Variants in GPD1L observed in about 807,000 individuals in gnomAD.
GPD1L encodes glycerol-3-phosphate dehydrogenase 1 like.
GPD1L carries 17 observed loss-of-function variants against 32.9 expected under a neutral mutation model. The ratio of observed to expected loss-of-function variants is 0.52; its 90% confidence interval spans 0.35 to 0.78. The LOEUF is 0.78. Among genes scored for constraint, GPD1L ranks in the 30% least tolerant of loss-of-function variants. The pLI, the probability that GPD1L is intolerant of heterozygous loss-of-function variation, is 0.01. For missense variants in GPD1L, 361 were observed against 447.8 expected, an observed-to-expected ratio of 0.81 and a Z score of 1.75; for synonymous variants, 187 against 165.9, an observed-to-expected ratio of 1.13 and a Z score of -0.98.
chr3:32,138,514 G>T (rs1183910469), intron 2 of GPD1L, 73 bp from the exon 3 acceptor site: 1 of 1,380,838 alleles, frequency 7.2e-7, no homozygotes, highest in East Asian at 2.3e-5. Context: ...TAAATGGTCA[G>T]TGAGTGAAAC....
Position 32,166,204 on chromosome 3 carries a change from C to T in GPD1L, c.*294C>T, listed in dbSNP as rs899307079. On this transcript the variant is annotated 3_prime_UTR_variant, in exon 8 of 8. Coordinates refer to ENST00000282541, the MANE Select transcript of GPD1L (RefSeq NM_015141.4). ...TTCAAAATTGCTTATGAAATTTCCA[C>T]ACAATCGTAGCTTATAAGATTGGAA... 1 of 438,188 alleles carries T rather than the reference C, an allele frequency of 2.3e-6. No homozygotes were observed. Among genetic ancestry groups the T allele is most frequent in the African/African-American group, 2.0e-5 (1 of 50,012 alleles). The allele number at this position is 438,188 out of a possible 1,614,324, so 27.1% of individuals were successfully genotyped here.
intron 2 of GPD1L, among the ~76,000 whole-genome samples, chr3:32,134,188 T>C (rs1700626896): frequency 6.6e-6 from 1 of 152,170 alleles, no homozygotes; most frequent in African/African-American, 2.4e-5. Context: ...TAGCAAAAGG[T>C]TTTATTCTGA....
At chr3:32,154,235 G>C (rs917629495) in intron 5 of GPD1L, among the ~76,000 whole-genome samples, 1 of 152,118 alleles carries the variant, frequency 6.6e-6, no homozygotes, top group Admixed American at 6.5e-5. Flanking sequence ...GATCTCCCCT[G>C]GTGGGAAGGT....
rs7616454 is a variant in GPD1L, at chr3:32,159,420, C to T, written c.853-148C>T. ...CCAAGGTGGGAGGATTGCTTTAGGCCGCAAGTTCGAGGCCAGCCTGCACAG... is the reference window on the plus strand; with the variant it reads ...CCAAGGTGGGAGGATTGCTTTAGGCTGCAAGTTCGAGGCCAGCCTGCACAG... On this transcript the variant is annotated intron_variant, in intron 6 of 7. Coordinates refer to ENST00000282541, the MANE Select transcript of GPD1L (RefSeq NM_015141.4). 30,540 of 662,562 alleles carry T rather than the reference C, an allele frequency of 0.046. 1,392 individuals are homozygous for T. The highest frequency in any genetic ancestry group is 0.2 in the East Asian group (7,298 of 36,718). 41.0% of individuals were successfully genotyped at this position (662,562 alleles called of 1,614,324 possible).
chr3:32,115,218 G>A (rs974315921), intron 1 of GPD1L, among the ~76,000 whole-genome samples: 5 of 152,034 alleles, frequency 3.3e-5, no homozygotes, highest in Non-Finnish European at 7.4e-5. Context: ...CAATCCTTTA[G>A]CTAGACACAG....
At chr3:32,165,543 A>G (rs1701134563) in intron 7 of GPD1L, among the ~76,000 whole-genome samples, 1 of 152,232 alleles carries the variant, frequency 6.6e-6, no homozygotes, top group Non-Finnish European at 1.5e-5. Context: ...AAATGACAAC[A>G]GTTTGCCCTG....
intron 7 of GPD1L, among the ~76,000 whole-genome samples, chr3:32,165,295 G>A (rs1240568447): frequency 6.6e-6 from 1 of 151,888 alleles, no homozygotes; most frequent in Non-Finnish European, 1.5e-5. Context: ...GGAAGAAAAG[G>A]TAAGATAAAT....
intron 1 of GPD1L, among the ~76,000 whole-genome samples, chr3:32,122,282 C>T (rs1227547924): frequency 6.6e-6 from 1 of 152,152 alleles, no homozygotes; most frequent in Admixed American, 6.5e-5. Flanking sequence ...CAAGTGCAGG[C>T]TTTGGAGACA....
At chr3:32,129,352 G>T (rs150667248) in intron 2 of GPD1L, among the ~76,000 whole-genome samples, 1 of 152,192 alleles carries the variant, frequency 6.6e-6, no homozygotes, top group Non-Finnish European at 1.5e-5. Flanking sequence ...GGAACTGAGC[G>T]GGGGAGACCG....
intron 5 of GPD1L, among the ~76,000 whole-genome samples, chr3:32,147,906 C>G (rs1208588869): frequency 6.6e-6 from 1 of 151,996 alleles, no homozygotes; most frequent in Non-Finnish European, 1.5e-5. Context: ...ATATAATGAG[C>G]ATTTAAAAAA....
chr3:32,135,551 C>T (rs1700650192), intron 2 of GPD1L, among the ~76,000 whole-genome samples: 1 of 152,142 alleles, frequency 6.6e-6, no homozygotes, highest in Non-Finnish European at 1.5e-5. Context: ...ATCCCAGGTT[C>T]AAGTGATTCT....
Position 32,138,878 on chromosome 3 carries a change from A to T in GPD1L, c.366+151A>T, listed in dbSNP as rs111570801. 4 of 800,368 alleles carry T rather than the reference A, an allele frequency of 5.0e-6. No individual in the cohort carries two copies. The African/African-American group carries it at 5.1e-5, about 10-fold the overall frequency. 49.6% of individuals were successfully genotyped at this position (800,368 alleles called of 1,614,324 possible). On this transcript the variant is annotated intron_variant, in intron 3 of 7. Transcript: ENST00000282541. The stretch of plus-strand genomic sequence containing the variant: ...TAAAGATGCTCAAAAGTCATAAAAA[A>T]AATAAGACTAGTTTAGCTCAGATTG...
At position 32,162,450 on chromosome 3, in the gene GPD1L, A is replaced by G. The variant is rs915023699; in HGVS notation, c.959+2776A>G. Among the ~76,000 whole-genome samples the G allele has an allele frequency of 9.8e-4, 58 of 59,190 alleles. 19 individuals are homozygous for G. Among genetic ancestry groups the G allele is most frequent in the African/African-American group, 6.0e-3 (55 of 9,216 alleles). The allele number at this position is 59,190 out of a possible 152,430, so 38.8% of individuals were successfully genotyped here. A position where few individuals can be genotyped will look rare whatever the true frequency, so the allele number is the denominator to read the frequency against. On this transcript the variant is annotated intron_variant, in intron 7 of 7. Coordinates refer to ENST00000282541, the MANE Select transcript of GPD1L (RefSeq NM_015141.4). The stretch of plus-strand genomic sequence containing the variant: ...CCGGACTGCGGACTGCAGTGGCGCA[A>G]TCTCGGCTCACTGCAAGCTCCGCTT...
chr3:32,167,939 T>A lies in GPD1L; in HGVS notation c.*2029T>A, dbSNP rs190217359. 1.3e-5 allele frequency: 2 copies of A among 152,284 alleles called. No homozygotes were observed. Among genetic ancestry groups the A allele is most frequent in the East Asian group, 3.9e-4 (2 of 5,184 alleles). The allele number at this position is 152,284 out of a possible 1,614,324, so 9.4% of individuals were successfully genotyped here. On this transcript the variant is annotated 3_prime_UTR_variant, in exon 8 of 8. Transcript: ENST00000282541. Reference sequence around the variant, plus strand: ...CCCACTTTGCTTGTCTCATGAAAAATCTTTGTTAAAGTTTGTACACAGGTA... The same window carrying A: ...CCCACTTTGCTTGTCTCATGAAAAAACTTTGTTAAAGTTTGTACACAGGTA...
At chr3:32,139,554 A>G (rs764022836) in intron 3 of GPD1L, among the ~76,000 whole-genome samples, 1 of 152,220 alleles carries the variant, frequency 6.6e-6, no homozygotes, top group Non-Finnish European at 1.5e-5. Context: ...AAACTTCACC[A>G]GACTACCAGG....
chr3:32,123,672 G>A (rs956648654), intron 1 of GPD1L, among the ~76,000 whole-genome samples: 14 of 152,044 alleles, frequency 9.2e-5, no homozygotes, highest in African/African-American at 3.4e-4. Flanking sequence ...CTGTGCCCTC[G>A]ATTCTCAAAA....
At chr3:32,136,313 A>G (rs1559575729) in intron 2 of GPD1L, among the ~76,000 whole-genome samples, 1 of 152,234 alleles carries the variant, frequency 6.6e-6, no homozygotes, top group African/African-American at 2.4e-5. Flanking sequence ...CCTGAAGAAT[A>G]AGGAAGCATC....
At chr3:32,127,480 G>A (rs1350455845) in intron 1 of GPD1L, among the ~76,000 whole-genome samples, 1 of 152,206 alleles carries the variant, frequency 6.6e-6, no homozygotes, top group Admixed American at 6.5e-5. Flanking sequence ...GTCCCCTGTA[G>A]GAAAGCCTGT....
chr3:32,136,205 G>A (rs928938225), intron 2 of GPD1L, among the ~76,000 whole-genome samples: 3 of 152,172 alleles, frequency 2.0e-5, no homozygotes, highest in Non-Finnish European at 2.9e-5. Flanking sequence ...GCCCCGTGGC[G>A]TAGGTTCTCC....
Sources: gnomAD v4.1 joint callset for allele counts (sites outside exome capture counted in the v4.1 genomes callset) on GRCh38, gnomAD v4.1.1 for gene constraint, MANE v1.5 for transcripts, NCBI Gene and HGNC (gene_info 2026-07-23, HGNC 2026-07-21) for gene names.